The following GALNT7 variants were observed in gnomAD, a reference collection of about 807,000 sequenced individuals.
GALNT7 encodes polypeptide N-acetylgalactosaminyltransferase 7.
A neutral mutation model predicts 82.1 loss-of-function variants in GALNT7; 60 were observed. The ratio of observed to expected loss-of-function variants is 0.73; its 90% CI spans 0.59 to 0.91. GALNT7 has a LOEUF of 0.91. GALNT7 is among the 40% of genes least tolerant of loss of function. The pLI is 0.00. For synonymous variants in GALNT7, 243 were observed against 275.1 expected, an observed-to-expected ratio of 0.88 and a Z score of 1.15; for missense variants, 660 against 804.2, an observed-to-expected ratio of 0.82 and a Z score of 2.17.
intron 2 of GALNT7, among the ~76,000 whole-genome samples, chr4:173,280,560 G>A (rs1009482869): frequency 2.6e-5 from 4 of 152,274 alleles, no homozygotes; most frequent in East Asian, 1.9e-4. Context: ...TTGCAAGCCT[G>A]TAATCTGAAT....
rs761575040 is a variant in GALNT7, at chr4:173,298,265, G to T, written c.1116G>T (p.Lys372Asn). The change falls in exon 6 of 12, where the codon AAG becomes AAT. Residue 372 changes from lysine to asparagine, a missense_variant. Transcript: ENST00000265000. ...WKRVPLTPQE[K>N]RLRKTKTEPY... The stretch of plus-strand genomic sequence containing the variant: ...GGGTGCCTCTGACCCCTCAAGAGAA[G>T]AGACTGAGAAAGACAAAAACTGAAC... 1.9e-6 allele frequency: 3 copies of T among 1,588,222 alleles called. No homozygotes were observed. The highest frequency in any genetic ancestry group is 2.6e-6 in the Non-Finnish European group (3 of 1,171,934).
At chr4:173,249,584 A>T (rs548677840) in intron 2 of GALNT7, among the ~76,000 whole-genome samples, 2 of 152,234 alleles carry the variant, frequency 1.3e-5, no homozygotes. Context: ...ATTTATTCCC[A>T]GTAGAGACTT....
At chr4:173,248,838 T>G (rs566079537) in intron 2 of GALNT7, among the ~76,000 whole-genome samples, 1 of 152,324 alleles carries the variant, frequency 6.6e-6, no homozygotes, top group Non-Finnish European at 1.5e-5. Context: ...TGATTTTCAT[T>G]CTGGAGCAAG....
At chr4:173,235,579 A>T (rs1734196856) in intron 1 of GALNT7, among the ~76,000 whole-genome samples, 1 of 141,502 alleles carries the variant, frequency 7.1e-6, no homozygotes, top group Admixed American at 7.4e-5. Context: ...TTCTTGAGAC[A>T]GAGTCTTGCT....
chr4:173,191,220 G>T (rs1732617372), intron 1 of GALNT7, among the ~76,000 whole-genome samples: 1 of 150,578 alleles, frequency 6.6e-6, no homozygotes, highest in Non-Finnish European at 1.5e-5. Context: ...GATCTCTGGG[G>T]ATGGGATGGG....
intron 2 of GALNT7, among the ~76,000 whole-genome samples, chr4:173,270,614 T>G (rs1329751065): frequency 6.6e-6 from 1 of 152,226 alleles, no homozygotes; most frequent in Non-Finnish European, 1.5e-5. Context: ...TCAAAAGATA[T>G]AATTTTTCCT....
intron 5 of GALNT7, among the ~76,000 whole-genome samples, chr4:173,297,410 G>A (rs1347134355): frequency 4.6e-5 from 7 of 152,014 alleles, no homozygotes; most frequent in African/African-American, 1.2e-4. Flanking sequence ...CCACACACAC[G>A]CACACGCATG....
chr4:173,253,566 A>C (rs60973348), intron 2 of GALNT7, among the ~76,000 whole-genome samples: 11,112 of 152,190 alleles, frequency 0.073, 823 homozygotes, highest in African/African-American at 0.19. Context: ...GAGGTTATAG[A>C]ACCAGAAAAA....
intron 8 of GALNT7, among the ~76,000 whole-genome samples, chr4:173,312,107 A>G (rs1737408173): frequency 1.3e-5 from 2 of 152,230 alleles, no homozygotes; most frequent in Non-Finnish European, 2.9e-5. Flanking sequence ...CAGAGACTGT[A>G]TAGCCCAAAA....
intron 1 of GALNT7, among the ~76,000 whole-genome samples, chr4:173,175,370 A>G (rs1461791936): frequency 1.3e-5 from 2 of 152,230 alleles, no homozygotes; most frequent in Non-Finnish European, 2.9e-5. Context: ...TTTATAGATG[A>G]GACTGTTGTG....
intron 2 of GALNT7, among the ~76,000 whole-genome samples, chr4:173,278,845 GC>G (rs1269007863): frequency 6.6e-6 from 1 of 152,184 alleles, no homozygotes; most frequent in Non-Finnish European, 1.5e-5. Flanking sequence ...ACAAAATGGG[GC>G]ATTTCCAGAG....
intron 2 of GALNT7, among the ~76,000 whole-genome samples, chr4:173,291,800 A>C (rs1367722978): frequency 6.6e-6 from 1 of 152,038 alleles, no homozygotes; most frequent in Admixed American, 6.5e-5. Flanking sequence ...TCATGAAAAA[A>C]AAAAAAAAAA....
intron 1 of GALNT7, among the ~76,000 whole-genome samples, chr4:173,238,952 A>G (rs1195294728): frequency 6.6e-6 from 1 of 152,210 alleles, no homozygotes; most frequent in Non-Finnish European, 1.5e-5. Flanking sequence ...TGCAAAAATT[A>G]ACCTGTATTT....
At chr4:173,221,382 T>G (rs1163918023) in intron 1 of GALNT7, among the ~76,000 whole-genome samples, 1 of 152,224 alleles carries the variant, frequency 6.6e-6, no homozygotes, top group Non-Finnish European at 1.5e-5. Context: ...GGAGTTATTC[T>G]CTAGCCTAGG....
chr4:173,232,498 C>G (rs182705546), intron 1 of GALNT7, among the ~76,000 whole-genome samples: 1 of 151,874 alleles, frequency 6.6e-6, no homozygotes, highest in Admixed American at 6.6e-5. Context: ...AGTGGCACGA[C>G]CATAGTTCAC....
chr4:173,194,214 A>T (rs182695204), intron 1 of GALNT7, among the ~76,000 whole-genome samples: 1 of 152,220 alleles, frequency 6.6e-6, no homozygotes, highest in Non-Finnish European at 1.5e-5. Context: ...ATGTAAACTA[A>T]TTGGGGTTCT....
Position 173,187,645 on chromosome 4 carries a change from C to G in GALNT7, c.126+18684C>G, listed in dbSNP as rs367995415. On this transcript the variant is annotated intron_variant, in intron 1 of 11. Transcript: ENST00000265000. ...CACTATCTCTTCCCTGTTCTTTACC[C>G]CAACATAGTTCATAACTTAAAGTTG... Among the ~76,000 whole-genome samples, 47 of 152,286 alleles carry G rather than the reference C, an allele frequency of 3.1e-4. 1 individual carries two copies. The East Asian group carries it at 5.4e-3, about 17-fold the overall frequency.
intron 2 of GALNT7, among the ~76,000 whole-genome samples, chr4:173,253,728 A>G (rs1377195304): frequency 6.6e-6 from 1 of 152,196 alleles, no homozygotes; most frequent in Non-Finnish European, 1.5e-5. Flanking sequence ...TGGTTAGGAT[A>G]GAACAGTCCA....
At chr4:173,243,665 A>T (rs1189762913) in intron 1 of GALNT7, among the ~76,000 whole-genome samples, 2 of 152,182 alleles carry the variant, frequency 1.3e-5, no homozygotes, top group Non-Finnish European at 2.9e-5. Context: ...TAGACAGACA[A>T]TTCTTGTATT....
Sources: gnomAD v4.1 joint callset for allele counts (sites outside exome capture counted in the v4.1 genomes callset) on GRCh38, gnomAD v4.1.1 for gene constraint, MANE v1.5 for transcripts, NCBI Gene and HGNC (gene_info 2026-07-23, HGNC 2026-07-21) for gene names.